Variants in NKAIN3 observed in about 807,000 individuals in gnomAD.
NKAIN3 encodes sodium/potassium-transporting ATPase subunit beta-1-interacting protein 3.
Under a neutral mutation model 30.2 loss-of-function variants are expected in NKAIN3, and 25 were observed. The ratio of observed to expected loss-of-function variants is 0.83; its 90% CI spans 0.60 to 1.16. The LOEUF (loss-of-function observed/expected upper bound fraction) is 1.16. NKAIN3 is among the 50% of genes most tolerant of loss of function. NKAIN3 has a pLI of 0.00. For synonymous variants in NKAIN3, 91 were observed against 89.6 expected (o/e 1.02, Z -0.09); for missense variants, 225 against 254.1 (o/e 0.89, Z 0.78).
chr8:62,544,304 T>C (rs1808941292), intron 1 of NKAIN3, among the ~76,000 whole-genome samples: 1 of 152,128 alleles, frequency 6.6e-6, no homozygotes, highest in African/African-American at 2.4e-5. Flanking sequence ...AATCCAGACT[T>C]GTGTATTTTT....
chr8:62,871,829 A>G (rs1191752666), intron 4 of NKAIN3, among the ~76,000 whole-genome samples: 2 of 152,228 alleles, frequency 1.3e-5, no homozygotes, highest in South Asian at 2.1e-4. Context: ...TGACCAATCT[A>G]GAATATCTCA....
chr8:62,591,101 C>T (rs370505922), intron 3 of NKAIN3, among the ~76,000 whole-genome samples: 2 of 152,004 alleles, frequency 1.3e-5, no homozygotes, highest in South Asian at 2.1e-4. Context: ...ACAACATTTT[C>T]AACTCACTGC....
chr8:62,624,422 T>G (rs372609932), intron 3 of NKAIN3, among the ~76,000 whole-genome samples: 10 of 151,780 alleles, frequency 6.6e-5, no homozygotes, highest in African/African-American at 2.4e-4. Context: ...TATCTAACTC[T>G]ACTCTCTCTT....
At chr8:62,871,466 C>G (rs1396214776) in intron 4 of NKAIN3, among the ~76,000 whole-genome samples, 1 of 151,582 alleles carries the variant, frequency 6.6e-6, no homozygotes, top group Non-Finnish European at 1.5e-5. Context: ...ACATAGTTAC[C>G]ATTAGTGTGT....
rs1824136783 is a variant in NKAIN3, at chr8:62,983,634, G to A, written c.*18227G>A. 6.6e-6 allele frequency: 1 copy of A among 152,220 alleles called. No homozygotes were observed. The highest frequency in any genetic ancestry group is 1.5e-5 in the Non-Finnish European group (1 of 68,054). The allele number at this position is 152,220 out of a possible 1,614,324, so 9.4% of individuals were successfully genotyped here. ...CAACCAACACCTGTTCGTGCTATGA[G>A]ACTGAAGTCCTCCTAGACCGCCCCA... is the stretch of plus-strand genomic sequence containing the variant. On this transcript the variant is annotated 3_prime_UTR_variant, in exon 7 of 7. Coordinates refer to ENST00000623646, the MANE Select transcript of NKAIN3 (RefSeq NM_001304533.3).
intron 3 of NKAIN3, among the ~76,000 whole-genome samples, chr8:62,709,322 A>G (rs1028129714): frequency 2.0e-5 from 3 of 152,104 alleles, no homozygotes; most frequent in Admixed American, 6.5e-5. Flanking sequence ...AATGGCTGGT[A>G]TAATTCAGCT....
At chr8:62,888,909 T>C (rs573645950) in intron 4 of NKAIN3, among the ~76,000 whole-genome samples, 1 of 152,334 alleles carries the variant, frequency 6.6e-6, no homozygotes, top group South Asian at 2.1e-4. Flanking sequence ...AACAGGTTTT[T>C]AATGAGACCT....
At chr8:62,629,099 G>A (rs1176806435) in intron 3 of NKAIN3, among the ~76,000 whole-genome samples, 1 of 152,120 alleles carries the variant, frequency 6.6e-6, no homozygotes, top group African/African-American at 2.4e-5. Flanking sequence ...AGCCCCAGGG[G>A]TTGGCAGTAG....
intron 4 of NKAIN3, among the ~76,000 whole-genome samples, chr8:62,790,581 C>CCG (rs1554578140): frequency 1.4e-5 from 2 of 147,398 alleles, no homozygotes; most frequent in Non-Finnish European, 3.0e-5. Context: ...GTCTGTCTGT[C>CCG]TGTGTGTGTG....
chr8:62,734,699 A>G (rs1586142646), intron 3 of NKAIN3, among the ~76,000 whole-genome samples: 1 of 152,364 alleles, frequency 6.6e-6, no homozygotes, highest in South Asian at 2.1e-4. Flanking sequence ...AGAAAAAGTC[A>G]GGAGTTAGTA....
Position 62,821,339 on chromosome 8 carries a change from G to A in NKAIN3, c.471+74210G>A, listed in dbSNP as rs546838661. ...TTCACTATATCAAGACAGAGGTCTT[G>A]TCTCCATACCAAAGTTCAGTTTTTA... On this transcript the variant is annotated intron_variant, in intron 4 of 6. Transcript: ENST00000623646. Among the ~76,000 whole-genome samples the A allele has an allele frequency of 3.3e-5, 5 of 152,162 alleles. 1 individual carries two copies. The highest frequency in any genetic ancestry group is 2.6e-4 in the Admixed American group (4 of 15,274).
intron 1 of NKAIN3, among the ~76,000 whole-genome samples, chr8:62,354,285 AG>A (rs58067473): frequency 0.04 from 6,107 of 152,172 alleles, 438 homozygotes; most frequent in African/African-American, 0.14. Context: ...TTCTTTTTTT[AG>A]GTGAGTAAAC....
At chr8:62,810,301 A>C (rs1326384110) in intron 4 of NKAIN3, among the ~76,000 whole-genome samples, 1 of 152,152 alleles carries the variant, frequency 6.6e-6, no homozygotes, top group Non-Finnish European at 1.5e-5. Flanking sequence ...TTATGATTTG[A>C]GGATATCACA....
intron 1 of NKAIN3, among the ~76,000 whole-genome samples, chr8:62,411,061 C>T (rs571377132): frequency 3.3e-5 from 5 of 152,222 alleles, no homozygotes; most frequent in African/African-American, 1.2e-4. Flanking sequence ...ATCAGCCTAA[C>T]ACCAAAATAT....
chr8:62,344,967 C>A, intron 1 of NKAIN3: 1 of 252,692 alleles, frequency 4.0e-6, no homozygotes, highest in South Asian at 4.4e-5. Context: ...TTGTGTCTTT[C>A]TCATTTTCTT....
intron 3 of NKAIN3, among the ~76,000 whole-genome samples, chr8:62,641,417 C>T (rs1388587455): frequency 1.8e-5 from 2 of 109,260 alleles, no homozygotes; most frequent in Admixed American, 8.0e-5. Context: ...CTGACTCTTC[C>T]ATGTAATTGC....
intron 2 of NKAIN3, among the ~76,000 whole-genome samples, chr8:62,584,303 C>T (rs763037101): frequency 7.9e-5 from 12 of 152,070 alleles, no homozygotes; most frequent in East Asian, 1.9e-4. Context: ...TAAGTGCTCA[C>T]GCAGAGATTA....
chr8:62,901,107 G>A (rs955264368), intron 4 of NKAIN3, among the ~76,000 whole-genome samples: 10 of 152,200 alleles, frequency 6.6e-5, no homozygotes, highest in Non-Finnish European at 1.2e-4. Context: ...GGATGTAGGA[G>A]CACAATACAG....
At chr8:62,903,564 C>T (rs1034690906) in intron 4 of NKAIN3, among the ~76,000 whole-genome samples, 1 of 152,028 alleles carries the variant, frequency 6.6e-6, no homozygotes, top group Non-Finnish European at 1.5e-5. Context: ...AGAAATGTGG[C>T]CACAAAGCAT....
Sources: allele counts gnomAD v4.1 joint callset (sites outside exome capture counted in the v4.1 genomes callset), GRCh38; gene constraint gnomAD v4.1.1; transcripts MANE v1.5; gene names NCBI Gene and HGNC (gene_info 2026-07-23, HGNC 2026-07-21).